Variants in GALNTL6 observed in about 807,000 individuals in gnomAD.
GALNTL6 encodes the protein polypeptide N-acetylgalactosaminyltransferase-like 6.
GALNTL6 carries 46 observed loss-of-function variants against 73.7 expected under a neutral mutation model. The observed-to-expected ratio is 0.62, with a 90% CI of 0.49 to 0.80. The LOEUF (loss-of-function observed/expected upper bound fraction) is 0.80, where lower values mean the gene tolerates loss of function less well. Among genes scored for constraint, GALNTL6 ranks in the 30% least tolerant of loss-of-function variants. The pLI is 0.00. For missense variants in GALNTL6, 604 were observed against 755.0 expected (o/e 0.80, Z 2.34); for synonymous variants, 259 against 263.7 (o/e 0.98, Z 0.17).
intron 5 of GALNTL6, among the ~76,000 whole-genome samples, chr4:172,375,006 G>T (rs1274796308): frequency 2.6e-5 from 4 of 152,210 alleles, no homozygotes; most frequent in African/African-American, 9.7e-5. Flanking sequence ...ATAGCTTGAA[G>T]AGGACATAAC....
At chr4:172,094,944 T>C (rs1361996762) in intron 2 of GALNTL6, among the ~76,000 whole-genome samples, 2 of 151,922 alleles carry the variant, frequency 1.3e-5, no homozygotes, top group Non-Finnish European at 2.9e-5. Context: ...TCCCATAGTT[T>C]TTTGTTTTTT....
intron 11 of GALNTL6, among the ~76,000 whole-genome samples, chr4:173,015,827 G>A (rs1185187782): frequency 6.6e-6 from 1 of 152,202 alleles, no homozygotes; most frequent in Non-Finnish European, 1.5e-5. Flanking sequence ...AAGACAATAG[G>A]GAATATGTCT....
chr4:172,548,401 C>T lies in GALNTL6; in HGVS notation c.553+199712C>T, dbSNP rs191514261. Among the ~76,000 whole-genome samples, 316 of 152,128 alleles carry T rather than the reference C, an allele frequency of 2.1e-3. 3 individuals carry two copies. Among genetic ancestry groups the T allele is most frequent in the Non-Finnish European group, 2.6e-3 (177 of 67,996 alleles). The stretch of plus-strand genomic sequence containing the variant: ...CAAGTCACTTGTTTATTTAAGAGAA[C>T]GAAGGGCAGGACAATTATATTAACA... On this transcript the variant is annotated intron_variant, in intron 5 of 12. Coordinates refer to ENST00000506823, the MANE Select transcript of GALNTL6 (RefSeq NM_001034845.3).
chr4:171,943,357 C>G (rs901998985), intron 2 of GALNTL6, among the ~76,000 whole-genome samples: 3 of 152,126 alleles, frequency 2.0e-5, no homozygotes, highest in Non-Finnish European at 4.4e-5. Context: ...AAATAGAAGT[C>G]AAATTTTCAT....
At chr4:172,775,001 T>TAAA (rs1300751388) in intron 5 of GALNTL6, among the ~76,000 whole-genome samples, 3 of 134,594 alleles carry the variant, frequency 2.2e-5, no homozygotes, top group Non-Finnish European at 4.9e-5. Context: ...ATAATAATAA[T>TAAA]AAAATCCAGA....
intron 8 of GALNTL6, among the ~76,000 whole-genome samples, chr4:172,902,682 C>G (rs1398799370): frequency 6.6e-6 from 1 of 152,196 alleles, no homozygotes; most frequent in Non-Finnish European, 1.5e-5. Flanking sequence ...TCTTGCAAAA[C>G]CATTCTAATG....
chr4:172,964,567 G>A (rs144148489), intron 10 of GALNTL6, among the ~76,000 whole-genome samples: 25 of 152,210 alleles, frequency 1.6e-4, no homozygotes, highest in African/African-American at 6.0e-4. Flanking sequence ...ATGTCACCCC[G>A]AATTGTGGAA....
chr4:172,719,447 G>A (rs1208698951), intron 5 of GALNTL6, among the ~76,000 whole-genome samples: 7 of 151,976 alleles, frequency 4.6e-5, no homozygotes, highest in Admixed American at 1.3e-4. Flanking sequence ...TTGAAGCAAT[G>A]TATATAATGG....
intron 2 of GALNTL6, among the ~76,000 whole-genome samples, chr4:172,120,540 C>T (rs1054444806): frequency 1.4e-4 from 21 of 152,118 alleles, no homozygotes; most frequent in African/African-American, 4.6e-4. Flanking sequence ...GACTTGACCA[C>T]ATCTGCAAAG....
intron 2 of GALNTL6, among the ~76,000 whole-genome samples, chr4:172,201,020 A>C (rs549923699): frequency 1.3e-5 from 2 of 152,306 alleles, no homozygotes; most frequent in African/African-American, 2.4e-5. Flanking sequence ...TATGAAAGAG[A>C]AGCTGAAAAG....
intron 5 of GALNTL6, among the ~76,000 whole-genome samples, chr4:172,659,015 G>T (rs188609043): frequency 1.1e-3 from 161 of 152,240 alleles, no homozygotes; most frequent in Non-Finnish European, 1.0e-3. Context: ...GTGCTACTTT[G>T]TGCCAGATCT....
intron 5 of GALNTL6, among the ~76,000 whole-genome samples, chr4:172,620,584 C>T (rs1160227780): frequency 6.6e-6 from 1 of 152,110 alleles, no homozygotes; most frequent in African/African-American, 2.4e-5. Flanking sequence ...ATATCAATGA[C>T]TTTATCCATC....
In GALNTL6 at chr4:172,952,093, G is replaced by C. The variant is rs762114714; in HGVS notation, c.1206G>C (p.Gln402His). The part of the protein sequence containing the change: ...WMDEFAEYIY[Q>H]RRPEYRHLST... ...ATGAATTTGCCGAGTACATTTACCA[G>C]CGGCGGCCGGAGTACAGGCATCTCT... is the stretch of plus-strand genomic sequence containing the variant. Residue 402 changes from glutamine (Q) to histidine (H), a missense_variant, in exon 10 of 13, where the codon CAG becomes CAC. Physicochemically the swap from Gln to His is conservative, Grantham distance 24. Coordinates refer to ENST00000506823, the MANE Select transcript of GALNTL6 (RefSeq NM_001034845.3). The C allele has an allele frequency of 6.2e-7, 1 of 1,614,122 alleles. No homozygotes were observed. The highest frequency in any genetic ancestry group is 8.5e-7 in the Non-Finnish European group (1 of 1,180,012).
intron 2 of GALNTL6, among the ~76,000 whole-genome samples, chr4:172,111,613 G>A (rs1359563995): frequency 2.0e-5 from 3 of 151,906 alleles, no homozygotes; most frequent in African/African-American, 7.2e-5. Flanking sequence ...TATTCACTAT[G>A]AATTTTTATT....
chr4:172,345,402 A>C (rs1282559529), intron 4 of GALNTL6, among the ~76,000 whole-genome samples: 2 of 152,180 alleles, frequency 1.3e-5, no homozygotes, highest in Non-Finnish European at 2.9e-5. Flanking sequence ...TAATGTCTTG[A>C]TAGTTGTGTT....
chr4:172,936,171 G>A (rs1375800378), intron 9 of GALNTL6, among the ~76,000 whole-genome samples: 1 of 152,080 alleles, frequency 6.6e-6, no homozygotes, highest in Non-Finnish European at 1.5e-5. Context: ...CAGAACCAAC[G>A]ACAAAAACCA....
intron 5 of GALNTL6, among the ~76,000 whole-genome samples, chr4:172,451,730 G>T (rs1162995886): frequency 6.6e-6 from 1 of 152,180 alleles, no homozygotes; most frequent in East Asian, 1.9e-4. Context: ...AGTGGGCCAG[G>T]TGCAGTGGCG....
chr4:172,211,811 C>A (rs1736331246), intron 2 of GALNTL6, among the ~76,000 whole-genome samples: 2 of 152,144 alleles, frequency 1.3e-5, no homozygotes, highest in Admixed American at 1.3e-4. Context: ...CCTCACGTAG[C>A]AGAAAGGGCA....
chr4:172,015,097 TG>T (rs1196324501), intron 2 of GALNTL6, among the ~76,000 whole-genome samples: 1 of 152,150 alleles, frequency 6.6e-6, no homozygotes, highest in Admixed American at 6.6e-5. Flanking sequence ...TTAAGTTCAT[TG>T]TTTTTTTGTT....
Sources: allele counts gnomAD v4.1 joint callset (sites outside exome capture counted in the v4.1 genomes callset), GRCh38; gene constraint gnomAD v4.1.1; transcripts MANE v1.5; gene names NCBI Gene and HGNC (gene_info 2026-07-23, HGNC 2026-07-21).